AKAP12: variants seen among roughly 807,000 people sequenced by gnomAD.
AKAP12 encodes A-kinase anchoring protein 12.
In AKAP12, 32 loss-of-function variants were observed where a neutral mutation model predicts 79.9. That is an observed-to-expected ratio of 0.40 (90% CI 0.30 to 0.54). The LOEUF is 0.54. Among genes scored for constraint, AKAP12 ranks in the 20% least tolerant of loss-of-function variants. The pLI is 0.48. For missense variants in AKAP12, 2,074 were observed against 2,177.0 expected (o/e 0.95, Z 0.94); for synonymous variants, 808 against 857.0 (o/e 0.94, Z 1.00).
chr6:151,309,972 G>GAA (rs57958959), intron 3 of AKAP12, among the ~76,000 whole-genome samples: 1 of 139,306 alleles, frequency 7.2e-6, no homozygotes, highest in Non-Finnish European at 1.6e-5. Context: ...CCGAAAAGAT[G>GAA]AAAAAAAAAA....
chr6:151,331,581 T>TA (rs1315115870), intron 3 of AKAP12, among the ~76,000 whole-genome samples: 38 of 152,332 alleles, frequency 2.5e-4, no homozygotes, highest in African/African-American at 7.2e-4. Flanking sequence ...CCTTTATTTT[T>TA]ACTGCATCTT....
chr6:151,257,742 A>G (rs1467880066), intron 2 of AKAP12, among the ~76,000 whole-genome samples: 1 of 152,174 alleles, frequency 6.6e-6, no homozygotes, highest in Non-Finnish European at 1.5e-5. Context: ...CACAACTTTT[A>G]AATTTACAGT....
intron 3 of AKAP12, among the ~76,000 whole-genome samples, chr6:151,318,445 C>A (rs1170561982): frequency 6.6e-6 from 1 of 152,132 alleles, no homozygotes; most frequent in Non-Finnish European, 1.5e-5. Flanking sequence ...TGTTCAAATA[C>A]CTTAGGATTC....
At chr6:151,342,222 T>C (rs1400554692) in intron 3 of AKAP12, among the ~76,000 whole-genome samples, 3 of 152,208 alleles carry the variant, frequency 2.0e-5, no homozygotes, top group Non-Finnish European at 4.4e-5. Context: ...GGAACAGGCC[T>C]CAACACTTGG....
chr6:151,295,513 C>G (rs139233700), intron 2 of AKAP12, among the ~76,000 whole-genome samples: 1 of 152,278 alleles, frequency 6.6e-6, no homozygotes, highest in African/African-American at 2.4e-5. Flanking sequence ...CCTGGGCCCT[C>G]AAGCTCTGCT....
chr6:151,268,287 C>A (rs543379692), intron 2 of AKAP12, among the ~76,000 whole-genome samples: 1 of 152,030 alleles, frequency 6.6e-6, no homozygotes, highest in Non-Finnish European at 1.5e-5. Flanking sequence ...CGTGGTGGCA[C>A]GTGCCTGTAA....
intron 2 of AKAP12, among the ~76,000 whole-genome samples, chr6:151,250,159 C>A (rs1427854592): frequency 6.6e-6 from 1 of 151,842 alleles, no homozygotes; most frequent in Non-Finnish European, 1.5e-5. Flanking sequence ...GTGGGAAGAT[C>A]ACTAGAGCCC....
chr6:151,295,515 AGCTCTGCT>A (rs751621931), intron 2 of AKAP12, among the ~76,000 whole-genome samples: 2 of 152,162 alleles, frequency 1.3e-5, no homozygotes, highest in Non-Finnish European at 2.9e-5. Flanking sequence ...TGGGCCCTCA[AGCTCTGCT>A]GCTGTGCAGA....
chr6:151,240,426 C>A lies in AKAP12; in HGVS notation c.-137C>A. 1.1e-6 allele frequency: 1 copy of A among 929,910 alleles called. No homozygotes were observed. The highest frequency in any genetic ancestry group is 1.4e-6 in the Non-Finnish European group (1 of 700,984). 57.6% of individuals were successfully genotyped at this position (929,910 alleles called of 1,614,324 possible). On this transcript the variant is annotated 5_prime_UTR_variant, in exon 2 of 5. Transcript: ENST00000402676. ...GTCTCCTTCATTCGCAGGCTGGGCG[C>A]GTTCGCAGTCGGCTGGCGGCGAAGG...
chr6:151,313,079 C>T (rs988569862), intron 3 of AKAP12, among the ~76,000 whole-genome samples: 5 of 152,182 alleles, frequency 3.3e-5, no homozygotes, highest in African/African-American at 1.2e-4. Flanking sequence ...AAGACTGCGG[C>T]TTTGTACATT....
At chr6:151,260,986 T>A (rs548224264) in intron 2 of AKAP12, among the ~76,000 whole-genome samples, 1 of 151,774 alleles carries the variant, frequency 6.6e-6, no homozygotes, top group Non-Finnish European at 1.5e-5. Flanking sequence ...CAGGACCCTC[T>A]GTTTATATTC....
At chr6:151,337,245 C>T (rs1478122542) in intron 3 of AKAP12, among the ~76,000 whole-genome samples, 3 of 151,880 alleles carry the variant, frequency 2.0e-5, no homozygotes, top group Non-Finnish European at 4.4e-5. Context: ...TGGCTCACAC[C>T]TGTAATCCCA....
At position 151,351,736 on chromosome 6, in the gene AKAP12, C is replaced by G. The variant is rs368147370; in HGVS notation, c.3345C>G (p.Thr1115=). The change falls in exon 4 of 5, where the codon ACC becomes ACG. Residue 1115 remains threonine, a synonymous_variant. Coordinates refer to ENST00000402676, the MANE Select transcript of AKAP12 (RefSeq NM_005100.4). This position sits in a 1 kb window ranked among gnomAD's most constrained non-coding sequence, Gnocchi z 4.4. The stretch of plus-strand genomic sequence containing the variant: ...CACAAGGGAAGGTGGTGGGGCAGAC[C>G]ACCCCAGAAAGCTTTGAAAAAGCTC... ...PFTQGKVVGQ[T]TPESFEKAPQ... The G allele has an allele frequency of 6.2e-7, 1 of 1,614,026 alleles. No individual in the cohort carries two copies. The highest frequency in any genetic ancestry group is 1.3e-5 in the African/African-American group (1 of 74,918).
At chr6:151,321,550 C>T (rs1777388015) in intron 3 of AKAP12, among the ~76,000 whole-genome samples, 1 of 151,452 alleles carries the variant, frequency 6.6e-6, no homozygotes, top group South Asian at 2.1e-4. Context: ...AACCCATTTC[C>T]ATTAAACAAG....
chr6:151,245,193 A>G (rs1797046417), intron 2 of AKAP12, among the ~76,000 whole-genome samples: 1 of 152,144 alleles, frequency 6.6e-6, no homozygotes, highest in African/African-American at 2.4e-5. Flanking sequence ...GGAAAACTCA[A>G]ACTAAATGGC....
At chr6:151,313,236 G>C (rs528114482) in intron 3 of AKAP12, among the ~76,000 whole-genome samples, 5 of 152,308 alleles carry the variant, frequency 3.3e-5, no homozygotes, top group Non-Finnish European at 7.3e-5. Context: ...TGACCTGCAC[G>C]TGATTAAATG....
At position 151,269,092 on chromosome 6, in the gene AKAP12, A is replaced by G. The variant is rs551288590; in HGVS notation, c.162+28368A>G. ...ATGATTAAATCTCATGGTCAAGATG[A>G]AAGATGTTCAGTCTTAGGTGAAATC... On this transcript the variant is annotated intron_variant, in intron 2 of 4. Coordinates refer to ENST00000402676, the MANE Select transcript of AKAP12 (RefSeq NM_005100.4). Among the ~76,000 whole-genome samples, 4 of 151,562 alleles carry G rather than the reference A, an allele frequency of 2.6e-5. No individual in the cohort carries two copies. The South Asian group carries it at 8.3e-4, about 32-fold the overall frequency.
Position 151,240,551 on chromosome 6 carries a change from T to G in AKAP12, c.-12T>G. The G allele has an allele frequency of 7.0e-7, 1 of 1,436,960 alleles. No homozygotes were observed. The highest frequency in any genetic ancestry group is 9.1e-7 in the Non-Finnish European group (1 of 1,101,628). 89.0% of individuals were successfully genotyped at this position (1,436,960 alleles called of 1,614,324 possible). On this transcript the variant is annotated 5_prime_UTR_variant, in exon 2 of 5. Transcript: ENST00000402676. ...ACCCGGCGGCTAGGCGCGGGAGAAG[T>G]GCGGAGGAGCCATGGGCGCCGGGAG... is the stretch of plus-strand genomic sequence containing the variant.
chr6:151,299,616 C>G (rs1388588927), intron 2 of AKAP12, among the ~76,000 whole-genome samples: 1 of 152,152 alleles, frequency 6.6e-6, no homozygotes, highest in Non-Finnish European at 1.5e-5. Context: ...TCATTCTCAG[C>G]AACTTGCTTC....
Sources: allele counts gnomAD v4.1 joint callset (sites outside exome capture counted in the v4.1 genomes callset), GRCh38; gene constraint gnomAD v4.1.1; non-coding constraint Gnocchi (gnomAD v3.1); transcripts MANE v1.5; gene names NCBI Gene and HGNC (gene_info 2026-07-23, HGNC 2026-07-21).